IKZF3: variants seen among roughly 807,000 people sequenced by gnomAD.
IKZF3 encodes the protein zinc finger protein Aiolos.
IKZF3 carries 10 observed loss-of-function variants against 49.0 expected under a neutral mutation model. That is an observed-to-expected ratio of 0.20 (90% CI 0.13 to 0.35). The LOEUF is 0.35. Among genes scored for constraint, IKZF3 ranks in the 10% least tolerant of loss-of-function variants. The pLI is 1.00. For synonymous variants in IKZF3, 209 were observed against 228.2 expected, an observed-to-expected ratio of 0.92 and a Z score of 0.76; for missense variants, 498 against 664.8, an observed-to-expected ratio of 0.75 and a Z score of 2.76.
intron 1 of IKZF3, among the ~76,000 whole-genome samples, chr17:39,859,732 T>C (rs866002945): frequency 2.0e-5 from 3 of 152,194 alleles, no homozygotes; most frequent in Admixed American, 2.0e-4. Context: ...CCAGTTAATA[T>C]GGAGCTAAAT....
chr17:39,834,240 A>C (rs1054210606), intron 1 of IKZF3, among the ~76,000 whole-genome samples: 2 of 152,198 alleles, frequency 1.3e-5, no homozygotes, highest in African/African-American at 4.8e-5. Context: ...TAGGAGGCAT[A>C]TATCTAGTTT....
intron 3 of IKZF3, among the ~76,000 whole-genome samples, chr17:39,800,515 A>T (rs904827715): frequency 6.6e-6 from 1 of 152,222 alleles, no homozygotes; most frequent in Non-Finnish European, 1.5e-5. Flanking sequence ...TCCCAGAGGC[A>T]GGGAAAAGAT....
At position 39,849,638 on chromosome 17, in the gene IKZF3, C is replaced by T. The variant is rs114080397; in HGVS notation, c.7+14482G>A. Among the ~76,000 whole-genome samples the T allele has an allele frequency of 8.1e-3, 1,224 of 151,862 alleles. 16 individuals carry two copies. The highest frequency in any genetic ancestry group is 0.026 in the African/African-American group (1,078 of 41,400). ...CTGAACTTCAACCTGGGCAACAGAG[C>T]GAGACTCCGTCTCAGGAAAAAAAAC... On this transcript the variant is annotated intron_variant, in intron 1 of 7. Transcript: ENST00000346872.
rs572867213 is a variant in IKZF3 at position 39,811,309 on chromosome 17, AAGAG to A, written c.163+18074_163+18077del. On this transcript the variant is annotated intron_variant, in intron 3 of 7. Coordinates refer to ENST00000346872, the MANE Select transcript of IKZF3 (RefSeq NM_012481.5). ...GAGGAAATAAAAAAAGAGAAAGAGA[AAGAG>A]AGAAGGAAAGAAAGAAAGAAAGAAA... Among the ~76,000 whole-genome samples, 482 of 149,536 alleles carry A rather than the reference AAGAG, an allele frequency of 3.2e-3. 4 individuals carry two copies. Among genetic ancestry groups the A allele is most frequent in the Admixed American group, 6.6e-3 (99 of 15,030 alleles).
chr17:39,850,756 A>G (rs2062831888), intron 1 of IKZF3, among the ~76,000 whole-genome samples: 1 of 111,622 alleles, frequency 9.0e-6, no homozygotes, highest in Non-Finnish European at 1.7e-5. Flanking sequence ...TATATATACT[A>G]TATATTATAT....
At chr17:39,811,790 G>A (rs1347940322) in intron 3 of IKZF3, among the ~76,000 whole-genome samples, 1 of 152,178 alleles carries the variant, frequency 6.6e-6, no homozygotes, top group Non-Finnish European at 1.5e-5. Flanking sequence ...GATAAACACT[G>A]AGCATTTACT....
At chr17:39,803,209 G>A (rs2061361185) in intron 3 of IKZF3, among the ~76,000 whole-genome samples, 1 of 152,070 alleles carries the variant, frequency 6.6e-6, no homozygotes, top group Non-Finnish European at 1.5e-5. Flanking sequence ...ATGTATGAAA[G>A]GTCTTTCTAA....
intron 1 of IKZF3, among the ~76,000 whole-genome samples, chr17:39,853,822 G>A (rs2062955078): frequency 2.1e-5 from 3 of 142,566 alleles, no homozygotes; most frequent in South Asian, 4.4e-4. Context: ...CAACAAGAGC[G>A]AAACTCCGTC....
At chr17:39,778,510 A>C (rs781655498) in intron 6 of IKZF3, among the ~76,000 whole-genome samples, 22 of 152,220 alleles carry the variant, frequency 1.4e-4, no homozygotes, top group Non-Finnish European at 2.9e-4. Context: ...TGTGAATAAA[A>C]ACTGCCTATG....
chr17:39,799,775 A>G (rs1242200042), intron 3 of IKZF3, among the ~76,000 whole-genome samples: 1 of 152,206 alleles, frequency 6.6e-6, no homozygotes, highest in Non-Finnish European at 1.5e-5. Context: ...AGTGTATTCA[A>G]ACTTCCACAT....
intron 1 of IKZF3, 77 bp from the exon 2 acceptor site, chr17:39,832,228 G>T: frequency 9.7e-7 from 1 of 1,030,146 alleles, no homozygotes; most frequent in Non-Finnish European, 1.5e-6. Flanking sequence ...ATTTAATAAG[G>T]GATACCATTT....
chr17:39,790,573 A>T (rs1260953899), intron 5 of IKZF3, among the ~76,000 whole-genome samples: 2 of 152,170 alleles, frequency 1.3e-5, no homozygotes, highest in African/African-American at 4.8e-5. Context: ...TTCCAATTAA[A>T]ATTTTGCCAG....
chr17:39,768,450 G>GT (rs1401045629), intron 7 of IKZF3, among the ~76,000 whole-genome samples: 1 of 152,224 alleles, frequency 6.6e-6, no homozygotes, highest in Non-Finnish European at 1.5e-5. Flanking sequence ...ATGAAATACA[G>GT]TATTTCTCAG....
chr17:39,844,172 T>C (rs1359796288), intron 1 of IKZF3, among the ~76,000 whole-genome samples: 1 of 152,234 alleles, frequency 6.6e-6, no homozygotes, highest in Non-Finnish European at 1.5e-5. Context: ...AACATAGCTT[T>C]GAAATATTTT....
chr17:39,791,362 T>A (rs1202624984), intron 5 of IKZF3, 54 bp downstream of exon 5: 1 of 1,575,558 alleles, frequency 6.3e-7, no homozygotes, highest in Non-Finnish European at 8.7e-7. Flanking sequence ...GTTTCCACAC[T>A]GGGCTCTGAG....
At chr17:39,835,696 A>AG (rs1598157726) in intron 1 of IKZF3, 5 of 474,150 alleles carry the variant, frequency 1.1e-5, no homozygotes, top group South Asian at 4.9e-5. Flanking sequence ...AAGATCTGGG[A>AG]CTGGAGCTCC....
intron 4 of IKZF3, 37 bp from the exon 5 acceptor site, chr17:39,791,620 G>A (rs752463256): frequency 1.2e-6 from 2 of 1,604,456 alleles, no homozygotes; most frequent in South Asian, 2.2e-5. Context: ...TCTGGTCACA[G>A]GCAAGTGGAG....
chr17:39,803,614 A>G (rs1380264390), intron 3 of IKZF3, among the ~76,000 whole-genome samples: 2 of 151,826 alleles, frequency 1.3e-5, no homozygotes, highest in African/African-American at 2.4e-5. Flanking sequence ...CCCGGGTTCA[A>G]GCCATTCTCC....
intron 3 of IKZF3, among the ~76,000 whole-genome samples, chr17:39,815,446 C>A (rs1028276906): frequency 2.6e-5 from 4 of 152,222 alleles, no homozygotes; most frequent in Non-Finnish European, 5.9e-5. Context: ...CACATCTTCC[C>A]TCTAGCCTTG....
Sources: allele counts gnomAD v4.1 joint callset (sites outside exome capture counted in the v4.1 genomes callset), GRCh38; gene constraint gnomAD v4.1.1; transcripts MANE v1.5; gene names NCBI Gene and HGNC (gene_info 2026-07-23, HGNC 2026-07-21).